The following RIT2 variants were observed in gnomAD, a reference collection of about 807,000 sequenced individuals.
The protein encoded by RIT2 is Ras like without CAAX 2, also known as GTP-binding protein Rit2.
RIT2 carries 24 observed loss-of-function variants against 23.7 expected under a neutral mutation model. The observed-to-expected ratio is 1.01, with a 90% CI of 0.73 to 1.43. The LOEUF is 1.43. Ranked by LOEUF, RIT2 falls within the 40% of genes most tolerant of loss-of-function variation. The probability of loss-of-function intolerance (pLI) is 0.00; values close to 1 mark genes in which losing one functional copy is unlikely to be tolerated. For missense variants in RIT2, 236 were observed against 266.9 expected, an observed-to-expected ratio of 0.88 and a Z score of 0.81; for synonymous variants, 107 against 91.1, an observed-to-expected ratio of 1.17 and a Z score of -0.99.
At chr18:43,012,737 T>C (rs981516425) in intron 2 of RIT2, among the ~76,000 whole-genome samples, 1 of 12,288 alleles carries the variant, frequency 8.1e-5, no homozygotes, top group African/African-American at 8.8e-5. Flanking sequence ...ATCTAAAGTT[T>C]ATAAAGTCTT....
intron 1 of RIT2, among the ~76,000 whole-genome samples, chr18:43,039,020 C>A (rs1001666107): frequency 2.0e-5 from 3 of 152,090 alleles, no homozygotes; most frequent in African/African-American, 7.2e-5. Flanking sequence ...TACCTTCCTA[C>A]CTTTTCCTTC....
intron 4 of RIT2, among the ~76,000 whole-genome samples, chr18:42,921,693 G>C (rs1236562770): frequency 1.3e-5 from 2 of 152,102 alleles, no homozygotes; most frequent in African/African-American, 4.8e-5. Flanking sequence ...AAATTCACTA[G>C]TTTTTCAGAG....
intron 4 of RIT2, among the ~76,000 whole-genome samples, chr18:42,820,306 T>A (rs1278529813): frequency 1.3e-5 from 2 of 151,932 alleles, no homozygotes; most frequent in Admixed American, 1.3e-4. Context: ...CAGATGAACA[T>A]CATCAGGACC....
intron 4 of RIT2, among the ~76,000 whole-genome samples, chr18:42,773,310 T>C (rs185866090): frequency 3.0e-4 from 46 of 152,310 alleles, no homozygotes; most frequent in African/African-American, 1.1e-3. Flanking sequence ...AAGCTTTTTG[T>C]ATATACTTGG....
At chr18:42,759,969 G>T (rs1272532696) in intron 4 of RIT2, among the ~76,000 whole-genome samples, 2 of 151,952 alleles carry the variant, frequency 1.3e-5, no homozygotes, top group Non-Finnish European at 2.9e-5. Context: ...TAGAGATGGG[G>T]TTTCTCCATG....
At chr18:42,831,969 C>A (rs914675889) in intron 4 of RIT2, among the ~76,000 whole-genome samples, 1 of 152,158 alleles carries the variant, frequency 6.6e-6, no homozygotes, top group East Asian at 1.9e-4. Context: ...TTGATATCCA[C>A]TCAATTTTCT....
chr18:42,986,233 G>A (rs545026805), intron 2 of RIT2, among the ~76,000 whole-genome samples: 1 of 151,850 alleles, frequency 6.6e-6, no homozygotes, highest in Non-Finnish European at 1.5e-5. Flanking sequence ...TAGAGATGGG[G>A]TTTCACCATG....
chr18:42,852,055 CAAGGATATAA>C (rs891443165), intron 4 of RIT2, among the ~76,000 whole-genome samples: 2 of 152,068 alleles, frequency 1.3e-5, no homozygotes, highest in African/African-American at 2.4e-5. Flanking sequence ...AAGTGCACCA[CAAGGATATAA>C]AAGTGCTAGT....
chr18:42,808,139 G>C (rs542780378), intron 4 of RIT2, among the ~76,000 whole-genome samples: 3 of 152,294 alleles, frequency 2.0e-5, no homozygotes, highest in African/African-American at 7.2e-5. Context: ...TTGCTCAATG[G>C]AGCAAAAGCA....
chr18:42,931,355 A>G (rs1044846590), intron 3 of RIT2, among the ~76,000 whole-genome samples: 4 of 152,188 alleles, frequency 2.6e-5, no homozygotes, highest in Non-Finnish European at 2.9e-5. Context: ...CTGTACATGT[A>G]AAGCCAGGTC....
At chr18:43,110,094 A>G (rs1262054650) in intron 1 of RIT2, among the ~76,000 whole-genome samples, 2 of 152,156 alleles carry the variant, frequency 1.3e-5, no homozygotes, top group African/African-American at 4.8e-5. Context: ...CATAATCAGA[A>G]TAAGTAAAAT....
intron 4 of RIT2, among the ~76,000 whole-genome samples, chr18:42,755,603 C>T (rs1913143687): frequency 6.6e-6 from 1 of 152,134 alleles, no homozygotes; most frequent in South Asian, 2.1e-4. Context: ...TATTTTTCAT[C>T]ACCCATCAGT....
chr18:42,928,800 T>C (rs1218211911), intron 3 of RIT2, among the ~76,000 whole-genome samples: 1 of 151,770 alleles, frequency 6.6e-6, no homozygotes, highest in Non-Finnish European at 1.5e-5. Context: ...TCAAAGATTA[T>C]GCCTAAAAGT....
intron 2 of RIT2, among the ~76,000 whole-genome samples, chr18:42,984,903 C>A (rs960069313): frequency 6.6e-6 from 1 of 151,512 alleles, no homozygotes; most frequent in Non-Finnish European, 1.5e-5. Flanking sequence ...CAGTTTTATT[C>A]ACCTCATGCT....
intron 4 of RIT2, among the ~76,000 whole-genome samples, chr18:42,795,431 T>G (rs965914882): frequency 1.3e-5 from 2 of 152,224 alleles, no homozygotes; most frequent in African/African-American, 4.8e-5. Flanking sequence ...CCACTGGCGC[T>G]GCTCTCGATT....
intron 3 of RIT2, among the ~76,000 whole-genome samples, chr18:42,940,009 A>G (rs1909556359): frequency 6.6e-6 from 1 of 151,894 alleles, no homozygotes; most frequent in South Asian, 2.1e-4. Flanking sequence ...TAAATCATAT[A>G]GATTAACACT....
chr18:42,896,303 T>C (rs2144100930), intron 4 of RIT2, among the ~76,000 whole-genome samples: 1 of 152,348 alleles, frequency 6.6e-6, no homozygotes. Context: ...CTCTCTCACT[T>C]GTGAGAAGGC....
chr18:42,818,329 T>C (rs980644316), intron 4 of RIT2, among the ~76,000 whole-genome samples: 3 of 152,078 alleles, frequency 2.0e-5, no homozygotes, highest in Non-Finnish European at 4.4e-5. Context: ...TTGTGCTACA[T>C]ATTACAATTG....
chr18:42,856,603 G>T (rs1176159307), intron 4 of RIT2, among the ~76,000 whole-genome samples: 1 of 150,664 alleles, frequency 6.6e-6, no homozygotes, highest in African/African-American at 2.4e-5. Context: ...GATATCAAGA[G>T]GAACACAAGA....
Sources: gnomAD v4.1 joint callset for allele counts (sites outside exome capture counted in the v4.1 genomes callset) on GRCh38, gnomAD v4.1.1 for gene constraint, MANE v1.5 for transcripts, NCBI Gene and HGNC (gene_info 2026-07-23, HGNC 2026-07-21) for gene names.